AKR1B10: variants seen among roughly 807,000 people sequenced by gnomAD.
The protein encoded by AKR1B10 is aldo-keto reductase family 1 member B10.
AKR1B10 carries 39 observed loss-of-function variants against 38.9 expected under a neutral mutation model. The observed-to-expected ratio is 1.00, with a 90% CI of 0.78 to 1.31. The LOEUF is 1.31. Ranked by LOEUF, AKR1B10 falls within the 50% of genes most tolerant of loss-of-function variation. The probability of loss-of-function intolerance (pLI) is 0.00; values close to 1 mark genes in which losing one functional copy is unlikely to be tolerated. For missense variants in AKR1B10, 361 were observed against 382.6 expected (o/e 0.94, Z 0.47); for synonymous variants, 148 against 141.2 (o/e 1.05, Z -0.34).
rs1807829711 is a variant in AKR1B10 at position 134,530,728 on chromosome 7, A to G, written c.152A>G (p.Asn51Ser). Residue 51 changes from asparagine (N) to serine (S), a missense_variant, in exon 2 of 10, where the codon AAT becomes AGT. By Grantham distance (46) the Asn-to-Ser change is conservative. Transcript: ENST00000359579. ...RHIDCAYVYQ[N>S]EHEVGEAIQE... ...ATTGACTGTGCCTATGTCTATCAGA[A>G]TGAACATGAAGTGGGGGAAGCCATC... The G allele has an allele frequency of 2.5e-6, 4 of 1,613,996 alleles. No homozygotes were observed. The highest frequency in any genetic ancestry group is 3.4e-6 in the Non-Finnish European group (4 of 1,179,984).
intron 9 of AKR1B10, among the ~76,000 whole-genome samples, chr7:134,540,676 T>C (rs1028699440): frequency 1.3e-5 from 2 of 152,152 alleles, no homozygotes; most frequent in Non-Finnish European, 2.9e-5. Flanking sequence ...TTTCCGGTGG[T>C]ATTATCTCAT....
intron 4 of AKR1B10, chr7:134,535,563 A>G: frequency 1.1e-6 from 1 of 951,368 alleles, no homozygotes. Context: ...TCATATGCTC[A>G]TGTTTTTTCC....
chr7:134,540,078 C>T (rs146249530), intron 9 of AKR1B10, among the ~76,000 whole-genome samples: 4,854 of 152,134 alleles, frequency 0.032, 120 homozygotes, highest in Non-Finnish European at 0.046. Context: ...ATTAGCTGGG[C>T]GTGGTGGTGG....
Position 134,537,576 on chromosome 7 carries a change from C to A in AKR1B10, c.660-4C>A, listed in dbSNP as rs112796521. 6.2e-7 allele frequency: 1 copy of A among 1,613,490 alleles called. No individual in the cohort carries two copies. The highest frequency in any genetic ancestry group is 1.3e-5 in the African/African-American group (1 of 74,908). ...TATTCACATCAGCATCTTTCTGCCCCTAGGGCCAAGCCAGAAGACCCTTCC... is the reference window on the plus strand; with the variant it reads ...TATTCACATCAGCATCTTTCTGCCCATAGGGCCAAGCCAGAAGACCCTTCC... On this transcript the variant is annotated splice_polypyrimidine_tract_variant and splice_region_variant and intron_variant, in intron 6 of 9. Coordinates refer to ENST00000359579, the MANE Select transcript of AKR1B10 (RefSeq NM_020299.5).
intron 1 of AKR1B10, 113 bp from the exon 2 acceptor site, chr7:134,530,530 G>T: frequency 8.9e-7 from 1 of 1,125,934 alleles, no homozygotes; most frequent in Non-Finnish European, 1.3e-6. Flanking sequence ...CAGCTACTCG[G>T]GAGGTGGGAG....
At chr7:134,536,014 A>G (rs1427484917) in intron 4 of AKR1B10, among the ~76,000 whole-genome samples, 2 of 152,244 alleles carry the variant, frequency 1.3e-5, no homozygotes, top group Non-Finnish European at 2.9e-5. Context: ...ACCAGGAAGC[A>G]TGGCTGGATA....
rs1358109155 is a variant in AKR1B10, at chr7:134,533,048, C to T, written c.396C>T (p.Ile132=). The change falls in exon 4 of 10, where the codon ATC becomes ATT. Residue 132 remains isoleucine, a synonymous_variant. Coordinates refer to ENST00000359579, the MANE Select transcript of AKR1B10 (RefSeq NM_020299.5). ...LFPKDDKGNA[I]GGKATFLDAW... ...CCAAAGATGATAAAGGTAATGCCAT[C>T]GGTGGAAAAGCAACGTTCTTGGATG... The T allele has an allele frequency of 4.4e-6, 7 of 1,598,602 alleles. No individual in the cohort carries two copies. The highest frequency in any genetic ancestry group is 2.7e-5 in the African/African-American group (2 of 74,062).
intron 4 of AKR1B10, 93 bp downstream of exon 4, chr7:134,533,174 G>A (rs1321711166): frequency 9.8e-7 from 1 of 1,016,634 alleles, no homozygotes; most frequent in East Asian, 2.8e-5. Context: ...TGTGCCTGAT[G>A]CTTTCTAATT....
intron 4 of AKR1B10, among the ~76,000 whole-genome samples, chr7:134,533,357 G>T (rs1807917207): frequency 6.6e-6 from 1 of 152,174 alleles, no homozygotes; most frequent in South Asian, 2.1e-4. Flanking sequence ...CGAGGCATTT[G>T]GAACAGGAGG....
At chr7:134,541,013 T>G in intron 9 of AKR1B10, 34 bp from the exon 10 acceptor site, 10 of 1,457,028 alleles carry the variant, frequency 6.9e-6, no homozygotes, top group Non-Finnish European at 9.6e-6. Flanking sequence ...TGGAACTCAG[T>G]TTCTCTGTTT....
intron 1 of AKR1B10, among the ~76,000 whole-genome samples, chr7:134,529,546 C>G (rs995817332): frequency 6.6e-6 from 1 of 152,056 alleles, no homozygotes. Context: ...TGTAGCGTAG[C>G]GGTTGGGGGC....
At position 134,537,274 on chromosome 7, in the gene AKR1B10, C is replaced by T. The variant is rs1276160343; in HGVS notation, c.659+117C>T. 14 of 1,444,784 alleles carry T rather than the reference C, an allele frequency of 9.7e-6. 1 individual carries two copies. The South Asian group carries it at 2.0e-4, about 20-fold the overall frequency. 89.5% of individuals were successfully genotyped at this position (1,444,784 alleles called of 1,614,324 possible). On this transcript the variant is annotated intron_variant, in intron 6 of 9. Transcript: ENST00000359579. ...GGAAAGAAAAATGTGTGTAAGGTAA[C>T]ACGTTTGGTACACACAAATGGGATG...
At position 134,532,042 on chromosome 7, in the gene AKR1B10, T is replaced by A. The variant is rs1222260662; in HGVS notation, c.351+18T>A. 1 of 1,613,656 alleles carries A rather than the reference T, an allele frequency of 6.2e-7. No individual in the cohort carries two copies. The highest frequency in any genetic ancestry group is 8.5e-7 in the Non-Finnish European group (1 of 1,179,700). ...GATTCAAGGTTTAAGACACTCTCTTTCTCAGCCTCTAGTTTCTGAGCAGGT... is the reference window on the plus strand; with the variant it reads ...GATTCAAGGTTTAAGACACTCTCTTACTCAGCCTCTAGTTTCTGAGCAGGT... On this transcript the variant is annotated intron_variant, in intron 3 of 9. Transcript: ENST00000359579.
chr7:134,534,685 A>C (rs1216598440), intron 4 of AKR1B10, among the ~76,000 whole-genome samples: 2 of 152,232 alleles, frequency 1.3e-5, no homozygotes, highest in Non-Finnish European at 1.5e-5. Context: ...CTCACTGACC[A>C]CATTGAAGCA....
rs199767638 is a variant in AKR1B10 at position 134,533,015 on chromosome 7, C to T, written c.363C>T (p.Asp121=). The change falls in exon 4 of 10, where the codon GAC becomes GAT. Residue 121 remains aspartate, a synonymous_variant. Transcript: ENST00000359579. ...HWPQGFKSGD[D]LFPKDDKGNA... is the part of the protein sequence containing the mutation. ...TTCTGTGTTCACAGTCTGGGGATGACCTTTTCCCCAAAGATGATAAAGGTA... is the reference window on the plus strand; with the variant it reads ...TTCTGTGTTCACAGTCTGGGGATGATCTTTTCCCCAAAGATGATAAAGGTA... 6.2e-7 allele frequency: 1 copy of T among 1,602,426 alleles called. No individual in the cohort carries two copies.
At chr7:134,535,583 G>GTTTTTTTT (rs1807972246) in intron 4 of AKR1B10, 1 of 681,334 alleles carries the variant, frequency 1.5e-6, no homozygotes, top group African/African-American at 2.6e-5. Context: ...CCTCTTTTCT[G>GTTTTTTTT]TCTTTTTTTT....
At chr7:134,533,478 A>G (rs1201585342) in intron 4 of AKR1B10, among the ~76,000 whole-genome samples, 2 of 152,200 alleles carry the variant, frequency 1.3e-5, no homozygotes, top group African/African-American at 2.4e-5. Context: ...CATACTACCA[A>G]TATATATCTT....
chr7:134,530,543 T>A (rs930341141), intron 1 of AKR1B10, 100 bp from the exon 2 acceptor site: 1 of 1,314,310 alleles, frequency 7.6e-7, no homozygotes, highest in African/African-American at 1.5e-5. Flanking sequence ...GGTGGGAGGG[T>A]TGCTTGAACC....
rs1808028124 is a variant in AKR1B10, at chr7:134,536,976, T to C, written c.553-75T>C. 4 of 1,560,800 alleles carry C rather than the reference T, an allele frequency of 2.6e-6. No homozygotes were observed. The South Asian group carries it at 3.7e-5, about 14-fold the overall frequency. ...TGGCCTTTGCTTGGTGGACTTTTTT[T>C]GTGTGTAGAACTCCCTAGGAACAAT... On this transcript the variant is annotated intron_variant, in intron 5 of 9. Coordinates refer to ENST00000359579, the MANE Select transcript of AKR1B10 (RefSeq NM_020299.5).
Sources: gnomAD v4.1 joint callset for allele counts (sites outside exome capture counted in the v4.1 genomes callset) on GRCh38, gnomAD v4.1.1 for gene constraint, MANE v1.5 for transcripts, NCBI Gene and HGNC (gene_info 2026-07-23, HGNC 2026-07-21) for gene names.